SLC5A12: variants seen among roughly 807,000 people sequenced by gnomAD.
SLC5A12 encodes the protein solute carrier family 5 member 12, also known as sodium-coupled monocarboxylate transporter 2.
SLC5A12 carries 46 observed loss-of-function variants against 72.7 expected under a neutral mutation model. The observed-to-expected ratio is 0.63, with a 90% CI of 0.50 to 0.81. The LOEUF is 0.81. Ranked by LOEUF, SLC5A12 falls within the 30% of genes least tolerant of loss-of-function variation. SLC5A12 has a pLI of 0.00. For synonymous variants in SLC5A12, 275 were observed against 264.4 expected, an observed-to-expected ratio of 1.04 and a Z score of -0.39; for missense variants, 683 against 740.7, an observed-to-expected ratio of 0.92 and a Z score of 0.90.
At chr11:26,711,689 G>A (rs920605909) in intron 2 of SLC5A12, among the ~76,000 whole-genome samples, 11 of 152,100 alleles carry the variant, frequency 7.2e-5, no homozygotes, top group Non-Finnish European at 1.2e-4. Context: ...CCTGATGCAC[G>A]CGTCACAGTG....
In SLC5A12 at chr11:26,675,291, A is replaced by G. The variant is rs1020727265; in HGVS notation, c.1580-1762T>C. Among the ~76,000 whole-genome samples the G allele has an allele frequency of 3.3e-5, 5 of 152,218 alleles. No homozygotes were observed. In the East Asian group the frequency reaches 9.6e-4, roughly 29 times the overall value. On this transcript the variant is annotated intron_variant, in intron 13 of 14. Coordinates refer to ENST00000396005, the MANE Select transcript of SLC5A12 (RefSeq NM_178498.4). ...TTTAGATTCTGTTTTCTTCTAGAAA[A>G]AGACAGTATTCCCTTTGGGAGATAG...
intron 11 of SLC5A12, among the ~76,000 whole-genome samples, chr11:26,683,074 A>C (rs1238475485): frequency 6.6e-6 from 1 of 152,196 alleles, no homozygotes; most frequent in African/African-American, 2.4e-5. Flanking sequence ...GACTTTCTCA[A>C]AATACATGCA....
intron 12 of SLC5A12, among the ~76,000 whole-genome samples, 199 bp from the exon 13 acceptor site, chr11:26,679,014 C>T (rs1347280602): frequency 3.9e-5 from 6 of 152,070 alleles, no homozygotes; most frequent in South Asian, 2.1e-4. Flanking sequence ...ACAAATATAA[C>T]GATGTTGATA....
chr11:26,675,261 A>G (rs1854239709), intron 13 of SLC5A12, among the ~76,000 whole-genome samples: 2 of 152,184 alleles, frequency 1.3e-5, no homozygotes, highest in Admixed American at 1.3e-4. Flanking sequence ...TCTGCTTCAT[A>G]TGGATTTAGA....
chr11:26,676,389 A>C (rs887014353), intron 13 of SLC5A12, among the ~76,000 whole-genome samples: 2 of 151,772 alleles, frequency 1.3e-5, no homozygotes, highest in Non-Finnish European at 2.9e-5. Flanking sequence ...GAAAACAGGT[A>C]GTAGGCCAGA....
At chr11:26,713,108 C>T (rs938002500) in intron 1 of SLC5A12, among the ~76,000 whole-genome samples, 1 of 152,078 alleles carries the variant, frequency 6.6e-6, no homozygotes, top group Non-Finnish European at 1.5e-5. Flanking sequence ...CTCCCTAATA[C>T]CATCTGTGCC....
chr11:26,674,510 C>T (rs1310371465), intron 13 of SLC5A12, among the ~76,000 whole-genome samples: 2 of 152,134 alleles, frequency 1.3e-5, no homozygotes, highest in Non-Finnish European at 2.9e-5. Flanking sequence ...AGTGATTCTC[C>T]TGCCTCAGCC....
At chr11:26,719,674 G>A (rs369065701) in intron 1 of SLC5A12, among the ~76,000 whole-genome samples, 1 of 152,080 alleles carries the variant, frequency 6.6e-6, no homozygotes, top group East Asian at 1.9e-4. Flanking sequence ...CACTTCCCTT[G>A]TCTGGTGCAA....
rs560783948 is a variant in SLC5A12 at position 26,709,432 on chromosome 11, A to C, written c.458-53T>G. 6 of 1,376,928 alleles carry C rather than the reference A, an allele frequency of 4.4e-6. No individual in the cohort carries two copies. The African/African-American group carries it at 8.7e-5, about 20-fold the overall frequency. The allele number at this position is 1,376,928 out of a possible 1,614,324, so 85.3% of individuals were successfully genotyped here. ...GAAGTTTCCTTCAAAAAATTAAAAG[A>C]GCAAGTTTTATGAGGAAAAAGACAC... On this transcript the variant is annotated intron_variant, in intron 3 of 14. Transcript: ENST00000396005.
rs556436771 is a variant in SLC5A12 at position 26,685,201 on chromosome 11, C to T, written c.1221+1276G>A. On this transcript the variant is annotated intron_variant, in intron 10 of 14. Transcript: ENST00000396005. ...CATTGGAAGGATCAAGTAAGTTACA[C>T]TGTTCTGGGAACTGGAAGGCCTTCT... Among the ~76,000 whole-genome samples the T allele has an allele frequency of 2.0e-5, 3 of 152,320 alleles. No individual in the cohort carries two copies. In the East Asian group the frequency reaches 5.8e-4, roughly 29 times the overall value.
chr11:26,704,152 T>C (rs1380269687), intron 4 of SLC5A12, among the ~76,000 whole-genome samples: 1 of 152,086 alleles, frequency 6.6e-6, no homozygotes, highest in Non-Finnish European at 1.5e-5. Context: ...CTTTATAAAG[T>C]TTATAATCTA....
In SLC5A12 at chr11:26,678,773, G is replaced by C. The variant is rs1854324015; in HGVS notation, c.1518C>G (p.Tyr506Ter). The change falls in exon 13 of 15, where the codon TAC (tyrosine) becomes TAG (stop). Residue 506 changes from tyrosine to a stop codon, truncating the protein, a stop_gained. Coordinates refer to ENST00000396005, the MANE Select transcript of SLC5A12 (RefSeq NM_178498.4). LOFTEE classifies it high-confidence loss of function. Reference protein sequence around the residue: ...ADTWYSISYLYYSAVGCLGCI... With the variant: ...ADTWYSISYL ...ATCCTAAGCAGCCCACTGCACTGTA[G>C]TAAAGGTAGGAGATCGAGTACCAGG... The C allele has an allele frequency of 6.2e-7, 1 of 1,613,264 alleles. No individual in the cohort carries two copies. Among genetic ancestry groups the C allele is most frequent in the African/African-American group, 1.3e-5 (1 of 74,854 alleles).
chr11:26,680,410 T>TA (rs1565185861), intron 12 of SLC5A12, among the ~76,000 whole-genome samples: 6 of 138,546 alleles, frequency 4.3e-5, no homozygotes, highest in Admixed American at 7.7e-5. Flanking sequence ...TATATATATA[T>TA]TTCCTCATTT....
rs763877307 is a variant in SLC5A12, at chr11:26,703,591, C to T, written c.761G>A (p.Gly254Glu). Residue 254 changes from glycine to glutamate, a missense_variant, in exon 6 of 15, where the codon GGG becomes GAG. By Grantham distance (98) the Gly-to-Glu change is moderately conservative. Coordinates refer to ENST00000396005, the MANE Select transcript of SLC5A12 (RefSeq NM_178498.4). Reference protein sequence around the residue: ...GGTFTWLGIYGVNQSTIQRCI... With the variant: ...GGTFTWLGIYEVNQSTIQRCI... ...TCGCTGAATAGTTGATTGATTGACC[C>T]CATAGATTCCGAGCCAAGTAAAAGT... 2 of 1,613,930 alleles carry T rather than the reference C, an allele frequency of 1.2e-6. No individual in the cohort carries two copies. Among genetic ancestry groups the T allele is most frequent in the South Asian group, 1.1e-5 (1 of 91,084 alleles).
chr11:26,713,698 AGTTT>A (rs1474921528), intron 1 of SLC5A12, among the ~76,000 whole-genome samples: 1 of 152,132 alleles, frequency 6.6e-6, no homozygotes, highest in Non-Finnish European at 1.5e-5. Flanking sequence ...TCTCTGTATT[AGTTT>A]GTTATTAATA....
chr11:26,681,506 T>A (rs1057319018), intron 11 of SLC5A12, among the ~76,000 whole-genome samples: 1 of 152,192 alleles, frequency 6.6e-6, no homozygotes, highest in African/African-American at 2.4e-5. Flanking sequence ...TTCTTTCTCT[T>A]ACTACTTAAA....
chr11:26,709,316 G>C lies in SLC5A12; in HGVS notation c.521C>G (p.Thr174Ser). 1 of 1,609,982 alleles carries C rather than the reference G, an allele frequency of 6.2e-7. No individual in the cohort carries two copies. Among genetic ancestry groups the C allele is most frequent in the Non-Finnish European group, 8.5e-7 (1 of 1,177,410 alleles). The change falls in exon 4 of 15, where the codon ACC becomes AGC. Residue 174 changes from threonine (T) to serine (S), a missense_variant. Transcript: ENST00000396005. ...TCTTCACAGCTAGATACATACCAGGGTACAGTAGAATGTGCAAACAATTCC... is the reference window on the plus strand; with the variant it reads ...TCTTCACAGCTAGATACATACCAGGCTACAGTAGAATGTGCAAACAATTCC... ...ATGIVCTFYC[T>S]LGGLKAVVWT...
intron 1 of SLC5A12, among the ~76,000 whole-genome samples, chr11:26,714,391 A>G (rs1242684168): frequency 6.6e-6 from 1 of 152,118 alleles, no homozygotes; most frequent in Non-Finnish European, 1.5e-5. Flanking sequence ...ATTAACAAAT[A>G]TTTATACTAA....
At position 26,692,438 on chromosome 11, in the gene SLC5A12, C is replaced by T. The variant is rs773073091; in HGVS notation, c.1153+51G>A. ...AGCACATGCAGGATTTTGACATCTA[C>T]CACATGTACATTTCATGATATGGAA... On this transcript the variant is annotated intron_variant, in intron 9 of 14. Coordinates refer to ENST00000396005, the MANE Select transcript of SLC5A12 (RefSeq NM_178498.4). 8.0e-6 allele frequency: 10 copies of T among 1,252,754 alleles called. No individual in the cohort carries two copies. Among genetic ancestry groups the T allele is most frequent in the Non-Finnish European group, 1.2e-5 (10 of 850,414 alleles). The allele number at this position is 1,252,754 out of a possible 1,614,324, so 77.6% of individuals were successfully genotyped here.
Sources: gnomAD v4.1 joint callset for allele counts (sites outside exome capture counted in the v4.1 genomes callset) on GRCh38, gnomAD v4.1.1 for gene constraint, MANE v1.5 for transcripts, NCBI Gene and HGNC (gene_info 2026-07-23, HGNC 2026-07-21) for gene names.